The following POLA1 variants were observed in gnomAD, a reference collection of about 807,000 sequenced individuals.
The protein encoded by POLA1 is DNA polymerase alpha catalytic subunit.
POLA1 carries 15 observed loss-of-function variants against 124.0 expected under a neutral mutation model. The observed-to-expected ratio is 0.12, with a 90% CI of 0.08 to 0.19. The LOEUF (loss-of-function observed/expected upper bound fraction) is 0.19, where lower values mean the gene tolerates loss of function less well. Among genes scored for constraint, POLA1 ranks in the 10% least tolerant of loss-of-function variants. The pLI is 1.00. For missense variants in POLA1, 886 were observed against 1,103.4 expected, an observed-to-expected ratio of 0.80 and a Z score of 2.79; for synonymous variants, 408 against 389.4, an observed-to-expected ratio of 1.05 and a Z score of -0.56.
rs1159456208 is a variant in POLA1 at position 24,841,770 on chromosome X, C to G, written c.3855C>G (p.Phe1285Leu). The change falls in exon 33 of 37, where the codon TTC becomes TTG. Residue 1285 changes from phenylalanine to leucine, a missense_variant. Transcript: ENST00000379068. ...AGAAATACAGGGACTGTGAAAGATT[C>G]AAATGTCCATGCCCTACATGTGGAA... ...DEEKYRDCER[F>L]KCPCPTCGTE... 1.7e-6 allele frequency: 2 copies of G among 1,197,353 alleles called. No homozygotes were observed. Among genetic ancestry groups the G allele is most frequent in the Non-Finnish European group, 2.3e-6 (2 of 883,235 alleles).
intron 26 of POLA1, among the ~76,000 whole-genome samples, chrX:24,790,420 G>T (rs1261276688): frequency 1.8e-5 from 2 of 111,330 alleles, no homozygotes; most frequent in Non-Finnish European, 3.8e-5. Flanking sequence ...GGGAAAATTG[G>T]CTTTGTTGCA....
chrX:24,815,714 G>C (rs1440837614), intron 30 of POLA1, among the ~76,000 whole-genome samples: 1 of 111,366 alleles, frequency 9.0e-6, no homozygotes. Flanking sequence ...ATATTCAGAA[G>C]CTAATTTTGC....
intron 35 of POLA1, among the ~76,000 whole-genome samples, chrX:24,905,760 G>C (rs2047358526): frequency 9.0e-6 from 1 of 111,041 alleles, no homozygotes; most frequent in South Asian, 3.8e-4. Flanking sequence ...ACGGGGTTTT[G>C]CCATGTTGAC....
chrX:24,818,363 T>A (rs972730904), intron 30 of POLA1, among the ~76,000 whole-genome samples: 1 of 111,848 alleles, frequency 8.9e-6, no homozygotes, highest in Non-Finnish European at 1.9e-5. Flanking sequence ...TACTGTTATA[T>A]CAGTTAAGAT....
intron 4 of POLA1, among the ~76,000 whole-genome samples, chrX:24,707,675 C>G (rs1309608303): frequency 1.8e-5 from 2 of 112,303 alleles, no homozygotes; most frequent in Non-Finnish European, 1.9e-5. Flanking sequence ...TGGTGTGGCT[C>G]TAATTCCTGG....
chrX:24,741,580 T>G, intron 21 of POLA1, 76 bp downstream of exon 21: 1 of 872,175 alleles, frequency 1.1e-6, no homozygotes, highest in East Asian at 3.1e-5. Flanking sequence ...TGTTATATGA[T>G]AATGAGTCTA....
chrX:24,932,332 G>A (rs1006488642), intron 36 of POLA1, among the ~76,000 whole-genome samples: 1 of 112,517 alleles, frequency 8.9e-6, no homozygotes, highest in African/African-American at 3.2e-5. Context: ...ATGATCAGCA[G>A]TTTTCAAAAG....
At chrX:24,760,424 G>C (rs1258386842) in intron 26 of POLA1, among the ~76,000 whole-genome samples, 1 of 111,791 alleles carries the variant, frequency 8.9e-6, no homozygotes, top group African/African-American at 3.3e-5. Context: ...GAATCTGATG[G>C]TGTACAGGAT....
rs189704362 is a variant in POLA1 at position 24,758,902 on chromosome X, G to A, written c.2964+9910G>A. 2.5e-4 allele frequency among the ~76,000 whole-genome samples: 28 copies of A among 111,056 alleles called. 1 individual carries two copies. The highest frequency in any genetic ancestry group is 9.2e-4 in the African/African-American group (28 of 30,559). ...TCACTATGTTAGCCAGGATGGTCTC[G>A]ATCTCCTTGGCCTCCCAAAGTGCTG... On this transcript the variant is annotated intron_variant, in intron 26 of 36. Transcript: ENST00000379068.
At chrX:24,890,361 C>T (rs1196487822) in intron 35 of POLA1, among the ~76,000 whole-genome samples, 1 of 111,527 alleles carries the variant, frequency 9.0e-6, no homozygotes, top group Non-Finnish European at 1.9e-5. Flanking sequence ...GCTGGGATTA[C>T]AGGCATGAGC....
intron 36 of POLA1, among the ~76,000 whole-genome samples, chrX:24,959,240 C>T (rs978979379): frequency 9.0e-5 from 10 of 111,360 alleles, no homozygotes; most frequent in African/African-American, 2.0e-4. Flanking sequence ...CCACAGTGGG[C>T]GGATCACGAG....
chrX:24,766,881 G>C (rs1360846467), intron 26 of POLA1, among the ~76,000 whole-genome samples: 1 of 111,807 alleles, frequency 8.9e-6, no homozygotes, highest in African/African-American at 3.2e-5. Context: ...TTGGGCTGTT[G>C]ATCTTAAAGC....
At chrX:24,913,578 G>T (rs776390296) in intron 35 of POLA1, among the ~76,000 whole-genome samples, 5 of 110,256 alleles carry the variant, frequency 4.5e-5, no homozygotes, top group Non-Finnish European at 7.6e-5. Flanking sequence ...GCTGGGCATG[G>T]TGGTGGGCAC....
At chrX:24,859,265 C>T (rs773637520) in intron 34 of POLA1, among the ~76,000 whole-genome samples, 5 of 111,539 alleles carry the variant, frequency 4.5e-5, no homozygotes, top group African/African-American at 6.5e-5. Context: ...CATTTCTTAC[C>T]GATTAAAATT....
chrX:24,728,415 A>G (rs1474974175), intron 15 of POLA1, among the ~76,000 whole-genome samples: 1 of 112,085 alleles, frequency 8.9e-6, no homozygotes, highest in Non-Finnish European at 1.9e-5. Context: ...ACTCCTTGGT[A>G]TAATCTAAAA....
At chrX:24,926,225 TAGAA>T (rs1436938010) in intron 35 of POLA1, among the ~76,000 whole-genome samples, 4 of 108,859 alleles carry the variant, frequency 3.7e-5, no homozygotes, top group African/African-American at 1.3e-4. Flanking sequence ...AAAATAAAAA[TAGAA>T]AGAAACCAAA....
At chrX:24,932,140 C>T (rs947574007) in intron 36 of POLA1, among the ~76,000 whole-genome samples, 14 of 112,459 alleles carry the variant, frequency 1.2e-4, no homozygotes, top group African/African-American at 4.2e-4. Flanking sequence ...CTCAGGTGAT[C>T]TGCCTGCCTC....
At chrX:24,891,887 G>C (rs1214453485) in intron 35 of POLA1, among the ~76,000 whole-genome samples, 1 of 111,699 alleles carries the variant, frequency 9.0e-6, no homozygotes, top group East Asian at 2.8e-4. Flanking sequence ...TGCTAGACTA[G>C]TGGGAGCTTT....
intron 35 of POLA1, among the ~76,000 whole-genome samples, chrX:24,902,366 T>C (rs891271586): frequency 8.9e-6 from 1 of 111,767 alleles, no homozygotes; most frequent in African/African-American, 3.3e-5. Context: ...TTCTACTCTT[T>C]CTCTACATAA....
Sources: gnomAD v4.1 joint callset for allele counts (sites outside exome capture counted in the v4.1 genomes callset) on GRCh38, gnomAD v4.1.1 for gene constraint, MANE v1.5 for transcripts, NCBI Gene and HGNC (gene_info 2026-07-23, HGNC 2026-07-21) for gene names.